GRID2: variants seen among roughly 807,000 people sequenced by gnomAD.
GRID2 encodes the protein glutamate ionotropic receptor delta type subunit 2.
In GRID2, 33 loss-of-function variants were observed where a neutral mutation model predicts 114.8. That is an observed-to-expected ratio of 0.29 (90% CI 0.22 to 0.38). The LOEUF (loss-of-function observed/expected upper bound fraction) is 0.38. Among genes scored for constraint, GRID2 ranks in the 10% least tolerant of loss-of-function variants. The pLI, the probability that GRID2 is intolerant of heterozygous loss-of-function variation, is 1.00. For synonymous variants in GRID2, 505 were observed against 449.9 expected, an observed-to-expected ratio of 1.12 and a Z score of -1.55; for missense variants, 1,184 against 1,257.7, an observed-to-expected ratio of 0.94 and a Z score of 0.89.
At position 93,773,364 on chromosome 4, in the gene GRID2, G is replaced by A. The variant is rs1284360451; in HGVS notation, c.*866G>A. 1.3e-5 allele frequency: 2 copies of A among 152,040 alleles called. No homozygotes were observed. The highest frequency in any genetic ancestry group is 2.9e-5 in the Non-Finnish European group (2 of 67,974). 9.4% of individuals were successfully genotyped at this position (152,040 alleles called of 1,614,324 possible). ...ATGTATAGTGCAGGGGTTCTTTTCA[G>A]TTAGAAAAGGCAGGTTGCTTTAATG... On this transcript the variant is annotated 3_prime_UTR_variant, in exon 16 of 16. Transcript: ENST00000282020.
chr4:92,910,968 A>G (rs1279599658), intron 2 of GRID2, among the ~76,000 whole-genome samples: 1 of 152,102 alleles, frequency 6.6e-6, no homozygotes, highest in Non-Finnish European at 1.5e-5. Flanking sequence ...TTTTACGAAT[A>G]TTTGTTATAC....
chr4:93,263,738 T>A (rs1291755952), intron 8 of GRID2, among the ~76,000 whole-genome samples: 1 of 152,056 alleles, frequency 6.6e-6, no homozygotes, highest in Middle Eastern at 3.2e-3. Context: ...TCTTTAGGGG[T>A]TAGAGTGGGT....
chr4:92,949,837 T>C (rs1169955166), intron 2 of GRID2, among the ~76,000 whole-genome samples: 1 of 151,858 alleles, frequency 6.6e-6, no homozygotes, highest in African/African-American at 2.4e-5. Context: ...AGAGGGACTA[T>C]CTCTTAAAGA....
intron 14 of GRID2, among the ~76,000 whole-genome samples, chr4:93,721,997 C>T (rs1729419576): frequency 6.7e-6 from 1 of 149,550 alleles, no homozygotes; most frequent in Non-Finnish European, 1.5e-5. Context: ...CAGCTCACTG[C>T]AACCTCCACT....
chr4:93,212,504 C>T (rs928619650), intron 5 of GRID2, among the ~76,000 whole-genome samples: 4 of 152,102 alleles, frequency 2.6e-5, no homozygotes, highest in East Asian at 1.9e-4. Context: ...ATTGTCATCC[C>T]TTCAGGGCCC....
intron 1 of GRID2, among the ~76,000 whole-genome samples, chr4:92,396,322 A>G (rs780925911): frequency 1.3e-5 from 2 of 151,974 alleles, no homozygotes; most frequent in African/African-American, 2.4e-5. Flanking sequence ...AAGAAAAATG[A>G]GACCCAGAAT....
At chr4:93,408,632 A>T (rs1766781681) in intron 9 of GRID2, among the ~76,000 whole-genome samples, 1 of 152,138 alleles carries the variant, frequency 6.6e-6, no homozygotes, top group Non-Finnish European at 1.5e-5. Context: ...GCTGGCACAG[A>T]GGTCATTTTT....
chr4:92,723,577 T>C (rs1735915119), intron 2 of GRID2, among the ~76,000 whole-genome samples: 1 of 152,194 alleles, frequency 6.6e-6, no homozygotes, highest in Admixed American at 6.5e-5. Context: ...TAATATCTAA[T>C]CAATCTGTAC....
chr4:93,409,778 G>T lies in GRID2; in HGVS notation c.1348-12993G>T, dbSNP rs540353782. On this transcript the variant is annotated intron_variant, in intron 9 of 15. Coordinates refer to ENST00000282020, the MANE Select transcript of GRID2 (RefSeq NM_001510.4). ...TGAACTTCAGCACCAGAGGGCATTG[G>T]ATTCAAATTTCAATCTTTCTTACTA... Among the ~76,000 whole-genome samples the T allele has an allele frequency of 2.0e-5, 3 of 152,298 alleles. No individual in the cohort carries two copies. The East Asian group carries it at 5.8e-4, about 29-fold the overall frequency.
intron 3 of GRID2, among the ~76,000 whole-genome samples, chr4:93,099,730 A>G (rs933946015): frequency 1.3e-5 from 2 of 151,854 alleles, no homozygotes; most frequent in Non-Finnish European, 1.5e-5. Flanking sequence ...TAAACTACTT[A>G]AGCACCACTC....
At position 92,919,541 on chromosome 4, in the gene GRID2, G is replaced by C. The variant is rs570639887; in HGVS notation, c.245-165454G>C. On this transcript the variant is annotated intron_variant, in intron 2 of 15. Transcript: ENST00000282020. ...GCTTTGAATGTGTCCCAGAGATTCT[G>C]GTATGTTGTGTCTTTGTTCTCATTG... Among the ~76,000 whole-genome samples, 8 of 152,192 alleles carry C rather than the reference G, an allele frequency of 5.3e-5. No homozygotes were observed. The East Asian group carries it at 7.7e-4, about 15-fold the overall frequency.
chr4:92,982,053 A>G (rs12645897), intron 2 of GRID2, among the ~76,000 whole-genome samples: 2 of 142,010 alleles, frequency 1.4e-5, no homozygotes, highest in Non-Finnish European at 3.1e-5. Flanking sequence ...AAAGAAAAAG[A>G]AAAAAGAAAA....
intron 14 of GRID2, among the ~76,000 whole-genome samples, chr4:93,671,258 G>T (rs1388316016): frequency 6.6e-6 from 1 of 152,154 alleles, no homozygotes; most frequent in Non-Finnish European, 1.5e-5. Flanking sequence ...GCAAACTTTT[G>T]ACCTAGGCCC....
chr4:92,503,047 A>G (rs943661018), intron 1 of GRID2, among the ~76,000 whole-genome samples: 1 of 152,040 alleles, frequency 6.6e-6, no homozygotes, highest in African/African-American at 2.4e-5. Flanking sequence ...TTCTTATTAC[A>G]GGTGGTTTTA....
chr4:92,982,748 G>A (rs777989309), intron 2 of GRID2, among the ~76,000 whole-genome samples: 5 of 152,046 alleles, frequency 3.3e-5, no homozygotes, highest in Non-Finnish European at 7.4e-5. Context: ...AAGGTGTTGT[G>A]TAGGGTAATA....
intron 9 of GRID2, among the ~76,000 whole-genome samples, chr4:93,412,240 C>CCCA (rs767241020): frequency 6.9e-6 from 1 of 145,518 alleles, no homozygotes; most frequent in African/African-American, 2.6e-5. Context: ...CCCCCCCCCC[C>CCCA]AAAAAAAAAT....
At chr4:92,378,548 T>G (rs1047811493) in intron 1 of GRID2, among the ~76,000 whole-genome samples, 4 of 152,096 alleles carry the variant, frequency 2.6e-5, no homozygotes, top group Admixed American at 2.6e-4. Flanking sequence ...ACTATATTAA[T>G]TCAATCAAAA....
chr4:93,571,177 G>C (rs564770637), intron 13 of GRID2, among the ~76,000 whole-genome samples: 1 of 152,030 alleles, frequency 6.6e-6, no homozygotes, highest in African/African-American at 2.4e-5. Context: ...AAATCAAATA[G>C]AGAAGGAATG....
chr4:92,668,481 T>C (rs1036737371), intron 2 of GRID2, among the ~76,000 whole-genome samples: 3 of 151,802 alleles, frequency 2.0e-5, no homozygotes, highest in African/African-American at 7.2e-5. Flanking sequence ...AAGTAATATA[T>C]ATTGAGGCAT....
Sources: allele counts gnomAD v4.1 joint callset (sites outside exome capture counted in the v4.1 genomes callset), GRCh38; gene constraint gnomAD v4.1.1; transcripts MANE v1.5; gene names NCBI Gene and HGNC (gene_info 2026-07-23, HGNC 2026-07-21).